The following MYLK variants were observed in gnomAD, a reference collection of about 807,000 sequenced individuals.
MYLK encodes myosin light chain kinase.
In MYLK, 106 loss-of-function variants were observed where a neutral mutation model predicts 203.4. That is an observed-to-expected ratio of 0.52 (90% CI 0.45 to 0.61). The LOEUF is 0.61. Among genes scored for constraint, MYLK ranks in the 20% least tolerant of loss-of-function variants. The probability of loss-of-function intolerance (pLI) is 0.00; values close to 1 mark genes in which losing one functional copy is unlikely to be tolerated. For missense variants in MYLK, 2,072 were observed against 2,442.3 expected (o/e 0.85, Z 3.20); for synonymous variants, 867 against 959.5 (o/e 0.90, Z 1.78).
chr3:123,656,401 AG>A (rs2059389999), intron 24 of MYLK, among the ~76,000 whole-genome samples: 1 of 152,208 alleles, frequency 6.6e-6, no homozygotes, highest in Non-Finnish European at 1.5e-5. Flanking sequence ...ATGCCCTTTT[AG>A]TCTTACTTCC....
intron 12 of MYLK, among the ~76,000 whole-genome samples, chr3:123,724,139 C>CTTTTTTTTT (rs5852359): frequency 1.2e-5 from 1 of 80,860 alleles, no homozygotes; most frequent in African/African-American, 5.3e-5. Context: ...CTAAGTTTTG[C>CTTTTTTTTT]TTTTTTTTTT....
intron 2 of MYLK, among the ~76,000 whole-genome samples, chr3:123,871,053 G>A (rs1000695804): frequency 5.3e-5 from 8 of 151,908 alleles, no homozygotes; most frequent in Admixed American, 1.3e-4. Context: ...TGGTGTGACC[G>A]TTCGCCTCCT....
chr3:123,869,201 C>T (rs1217193516), intron 2 of MYLK, among the ~76,000 whole-genome samples: 1 of 152,012 alleles, frequency 6.6e-6, no homozygotes, highest in Non-Finnish European at 1.5e-5. Flanking sequence ...TGAACCTTGT[C>T]AAGAGGAAAG....
intron 2 of MYLK, among the ~76,000 whole-genome samples, chr3:123,862,033 G>A (rs767262913): frequency 6.6e-5 from 10 of 152,320 alleles, no homozygotes; most frequent in Admixed American, 2.0e-4. Context: ...CTCCAGGCCC[G>A]TGGGGGCTCC....
intron 33 of MYLK, 130 bp from the exon 34 acceptor site, chr3:123,614,479 T>A: frequency 3.9e-6 from 4 of 1,012,774 alleles, no homozygotes; most frequent in Non-Finnish European, 6.0e-6. Flanking sequence ...TGTTGGCCTT[T>A]ATCGACTGTT....
chr3:123,743,844 C>T (rs893905926), intron 5 of MYLK, among the ~76,000 whole-genome samples: 1 of 152,104 alleles, frequency 6.6e-6, no homozygotes, highest in Non-Finnish European at 1.5e-5. Flanking sequence ...TTGAAAGGAG[C>T]CGAAATGCTT....
At position 123,629,518 on chromosome 3, in the gene MYLK, G is replaced by A. The variant is rs756434518; in HGVS notation, c.5070C>T (p.Asp1690=). The change falls in exon 30 of 34, where the codon GAC becomes GAT. Residue 1690 remains aspartate, a synonymous_variant. Coordinates refer to ENST00000360304, the MANE Select transcript of MYLK (RefSeq NM_053025.4). This position sits in a 1 kb window ranked among gnomAD's most constrained non-coding sequence, Gnocchi z 4.4. ...GATTGCTGATGAAATCCTTGGCATCGTCGGAGATCTCATCGAATGCCTCGT... is the reference window on the plus strand; with the variant it reads ...GATTGCTGATGAAATCCTTGGCATCATCGGAGATCTCATCGAATGCCTCGT... The part of the protein sequence containing the change: ...FDDEAFDEIS[D]DAKDFISNLL... 21 of 1,614,050 alleles carry A rather than the reference G, an allele frequency of 1.3e-5. No homozygotes were observed. Among genetic ancestry groups the A allele is most frequent in the Middle Eastern group, 1.6e-4 (1 of 6,082 alleles).
At chr3:123,779,246 G>A (rs149955129) in intron 4 of MYLK, among the ~76,000 whole-genome samples, 14 of 152,314 alleles carry the variant, frequency 9.2e-5, no homozygotes, top group African/African-American at 3.1e-4. Flanking sequence ...ATGGTGGCCT[G>A]GGAACCAGTC....
At chr3:123,686,906 T>C (rs1443912603) in intron 19 of MYLK, among the ~76,000 whole-genome samples, 4 of 152,176 alleles carry the variant, frequency 2.6e-5, no homozygotes, top group Non-Finnish European at 5.9e-5. Flanking sequence ...ATAATACCCG[T>C]TAGTTGTCTG....
At chr3:123,797,932 C>T (rs934890222) in intron 3 of MYLK, among the ~76,000 whole-genome samples, 1 of 152,190 alleles carries the variant, frequency 6.6e-6, no homozygotes, top group African/African-American at 2.4e-5. Context: ...CAGCAAGAAG[C>T]CCCAGATATC....
intron 4 of MYLK, among the ~76,000 whole-genome samples, chr3:123,758,494 A>C (rs2063431282): frequency 6.6e-6 from 1 of 152,204 alleles, no homozygotes; most frequent in Non-Finnish European, 1.5e-5. Context: ...CTCCAGGGAC[A>C]GATGCTCAAA....
intron 31 of MYLK, chr3:123,623,814 G>C (rs1243700726): frequency 6.6e-6 from 1 of 152,142 alleles, no homozygotes; most frequent in African/African-American, 2.4e-5. Context: ...ACATGAAATG[G>C]TTAGAGCTGT....
At chr3:123,721,573 G>A (rs1322464254) in intron 13 of MYLK, among the ~76,000 whole-genome samples, 2 of 152,068 alleles carry the variant, frequency 1.3e-5, no homozygotes, top group Non-Finnish European at 1.5e-5. Context: ...GCCTGGGCCC[G>A]TGAGTAGAAG....
chr3:123,824,432 T>C (rs1475106339), intron 3 of MYLK, among the ~76,000 whole-genome samples: 1 of 152,210 alleles, frequency 6.6e-6, no homozygotes, highest in African/African-American at 2.4e-5. Flanking sequence ...ACTGTCTTCC[T>C]GTTCCACTAG....
At chr3:123,786,762 T>G (rs2064548236) in intron 4 of MYLK, among the ~76,000 whole-genome samples, 1 of 152,144 alleles carries the variant, frequency 6.6e-6, no homozygotes, top group Non-Finnish European at 1.5e-5. Context: ...ATGTACCCCA[T>G]AAATATATAT....
intron 9 of MYLK, 175 bp downstream of exon 9, chr3:123,735,223 G>A (rs887879720): frequency 2.0e-5 from 17 of 845,070 alleles, no homozygotes; most frequent in African/African-American, 1.0e-4. Flanking sequence ...GATAGAACCC[G>A]TGTGTCATAT....
At chr3:123,849,150 A>AT (rs2030428175) in intron 2 of MYLK, among the ~76,000 whole-genome samples, 1 of 151,924 alleles carries the variant, frequency 6.6e-6, no homozygotes, top group African/African-American at 2.4e-5. Context: ...TAATTTTTGT[A>AT]TTTTTTGTGG....
intron 2 of MYLK, among the ~76,000 whole-genome samples, chr3:123,860,914 A>G (rs1324106347): frequency 2.6e-5 from 4 of 152,096 alleles, no homozygotes; most frequent in Non-Finnish European, 5.9e-5. Flanking sequence ...GAGGATCACG[A>G]AGTCAGGAGA....
chr3:123,881,322 C>T (rs1357051533), intron 1 of MYLK, among the ~76,000 whole-genome samples: 2 of 152,166 alleles, frequency 1.3e-5, no homozygotes, highest in Admixed American at 6.5e-5. Context: ...ATGCAAATGG[C>T]CCTGCCTCAT....
Sources: allele counts gnomAD v4.1 joint callset (sites outside exome capture counted in the v4.1 genomes callset), GRCh38; gene constraint gnomAD v4.1.1; non-coding constraint Gnocchi (gnomAD v3.1); transcripts MANE v1.5; gene names NCBI Gene and HGNC (gene_info 2026-07-23, HGNC 2026-07-21).